GABBR2: variants seen among roughly 807,000 people sequenced by gnomAD.
GABBR2 encodes the protein G-protein coupled receptor 51.
Under a neutral mutation model 105.6 loss-of-function variants are expected in GABBR2, and 23 were observed. The ratio of observed to expected loss-of-function variants is 0.22; its 90% CI spans 0.16 to 0.31. GABBR2 has a LOEUF of 0.31. Among genes scored for constraint, GABBR2 ranks in the 10% least tolerant of loss-of-function variants. GABBR2 has a pLI of 1.00. For missense variants in GABBR2, 734 were observed against 1,245.5 expected, an observed-to-expected ratio of 0.59 and a Z score of 6.18; for synonymous variants, 478 against 499.7, an observed-to-expected ratio of 0.96 and a Z score of 0.58.
chr9:98,689,848 T>A (rs1288454969), intron 1 of GABBR2, among the ~76,000 whole-genome samples: 1 of 152,184 alleles, frequency 6.6e-6, no homozygotes, highest in Non-Finnish European at 1.5e-5. Flanking sequence ...TATTTATCTG[T>A]TTTTTCATGT....
intron 1 of GABBR2, among the ~76,000 whole-genome samples, chr9:98,683,109 C>T (rs1159681419): frequency 1.3e-5 from 2 of 152,104 alleles, no homozygotes; most frequent in Non-Finnish European, 1.5e-5. Context: ...CTCCACCTCC[C>T]CCGAGACGGA....
At chr9:98,627,569 T>C (rs1269687634) in intron 1 of GABBR2, among the ~76,000 whole-genome samples, 2 of 152,106 alleles carry the variant, frequency 1.3e-5, no homozygotes, top group Middle Eastern at 3.2e-3. Flanking sequence ...TGACCAACAG[T>C]GTAAGTGGTA....
chr9:98,422,936 T>C (rs193227425), intron 7 of GABBR2, among the ~76,000 whole-genome samples: 225 of 152,250 alleles, frequency 1.5e-3, no homozygotes, highest in Non-Finnish European at 2.6e-3. Flanking sequence ...ACAAAGGACA[T>C]GAACTCATCA....
chr9:98,659,651 G>T (rs1194746328), intron 1 of GABBR2, among the ~76,000 whole-genome samples: 1 of 150,596 alleles, frequency 6.6e-6, no homozygotes, highest in Non-Finnish European at 1.5e-5. Flanking sequence ...CTCCCAAGTA[G>T]CTGGGATTAC....
At chr9:98,447,879 T>C (rs1337248967) in intron 7 of GABBR2, among the ~76,000 whole-genome samples, 1 of 152,090 alleles carries the variant, frequency 6.6e-6, no homozygotes, top group African/African-American at 2.4e-5. Flanking sequence ...GTAGAAATAA[T>C]TTTTTAAAAA....
chr9:98,325,830 C>T (rs1830912589), intron 13 of GABBR2, among the ~76,000 whole-genome samples: 1 of 152,188 alleles, frequency 6.6e-6, no homozygotes, highest in African/African-American at 2.4e-5. Context: ...AATAGTCACA[C>T]ACACACATGC....
intron 1 of GABBR2, among the ~76,000 whole-genome samples, chr9:98,695,817 G>A (rs1032867006): frequency 1.3e-5 from 2 of 152,158 alleles, no homozygotes; most frequent in Admixed American, 6.5e-5. Context: ...GATGCCCAGT[G>A]TCTTTCTACA....
chr9:98,676,423 A>G (rs1830478270), intron 1 of GABBR2, among the ~76,000 whole-genome samples: 1 of 152,244 alleles, frequency 6.6e-6, no homozygotes, highest in Non-Finnish European at 1.5e-5. Flanking sequence ...ACCAATAGAA[A>G]ACTAATATGC....
At chr9:98,600,123 A>C (rs1829304005) in intron 1 of GABBR2, among the ~76,000 whole-genome samples, 1 of 152,190 alleles carries the variant, frequency 6.6e-6, no homozygotes, top group South Asian at 2.1e-4. Context: ...AGAAAAAATA[A>C]GAAGAACAAG....
At chr9:98,439,917 T>C (rs1364232181) in intron 7 of GABBR2, among the ~76,000 whole-genome samples, 2 of 152,234 alleles carry the variant, frequency 1.3e-5, no homozygotes, top group African/African-American at 4.8e-5. Context: ...GGCCCCGTTG[T>C]TATCTATAGG....
intron 3 of GABBR2, among the ~76,000 whole-genome samples, chr9:98,539,699 A>G (rs1390959580): frequency 2.0e-5 from 3 of 152,060 alleles, no homozygotes; most frequent in Non-Finnish European, 4.4e-5. Flanking sequence ...GAGCAGATCA[A>G]GAGGTCAAGA....
chr9:98,688,936 T>C (rs187793088), intron 1 of GABBR2, among the ~76,000 whole-genome samples: 42 of 152,308 alleles, frequency 2.8e-4, no homozygotes, highest in Non-Finnish European at 5.1e-4. Context: ...GAGCCAGATA[T>C]TGATGTTGCC....
intron 2 of GABBR2, among the ~76,000 whole-genome samples, chr9:98,576,854 C>T (rs893570246): frequency 6.6e-6 from 1 of 152,096 alleles, no homozygotes; most frequent in Non-Finnish European, 1.5e-5. Flanking sequence ...ATTGTATCCC[C>T]AGTGTGCCTA....
chr9:98,393,803 G>A (rs183207137), intron 9 of GABBR2, among the ~76,000 whole-genome samples: 1 of 152,358 alleles, frequency 6.6e-6, no homozygotes, highest in Admixed American at 6.5e-5. Flanking sequence ...TTCTCTAGCA[G>A]AGGAGAAGAA....
intron 13 of GABBR2, among the ~76,000 whole-genome samples, chr9:98,328,753 C>A (rs781732034): frequency 6.6e-6 from 1 of 152,126 alleles, no homozygotes; most frequent in Non-Finnish European, 1.5e-5. Context: ...GAGGCTGGGG[C>A]CAGAACTGCC....
chr9:98,697,458 TC>T (rs1428418327), intron 1 of GABBR2, among the ~76,000 whole-genome samples: 1 of 146,218 alleles, frequency 6.8e-6, no homozygotes, highest in Non-Finnish European at 1.5e-5. Context: ...GCCACTGCAC[TC>T]CAGCCTGGGC....
intron 1 of GABBR2, among the ~76,000 whole-genome samples, chr9:98,582,340 C>T (rs966720075): frequency 6.6e-6 from 1 of 152,158 alleles, no homozygotes; most frequent in Non-Finnish European, 1.5e-5. Context: ...AAGCAGGGAC[C>T]TCTGTTCTAC....
intron 1 of GABBR2, among the ~76,000 whole-genome samples, chr9:98,641,236 T>G (rs1481324379): frequency 6.6e-6 from 1 of 151,066 alleles, no homozygotes; most frequent in Non-Finnish European, 1.5e-5. Flanking sequence ...TGGGTTCAAG[T>G]AATTCTCCTG....
Position 98,432,511 on chromosome 9 carries a change from C to G in GABBR2, c.1236+21470G>C, listed in dbSNP as rs564479627. On this transcript the variant is annotated intron_variant, in intron 7 of 18. Coordinates refer to ENST00000259455, the MANE Select transcript of GABBR2 (RefSeq NM_005458.8). ...CAAACAGAGCATTAGAGGTGGCTGACCCCAGCACACAAACCAGGATCCTGG... is the reference window on the plus strand; with the variant it reads ...CAAACAGAGCATTAGAGGTGGCTGAGCCCAGCACACAAACCAGGATCCTGG... Among the ~76,000 whole-genome samples, 5 of 152,220 alleles carry G rather than the reference C, an allele frequency of 3.3e-5. No individual in the cohort carries two copies. The South Asian group carries it at 1.0e-3, about 32-fold the overall frequency.
Sources: allele counts gnomAD v4.1 joint callset (sites outside exome capture counted in the v4.1 genomes callset), GRCh38; gene constraint gnomAD v4.1.1; transcripts MANE v1.5; gene names NCBI Gene and HGNC (gene_info 2026-07-23, HGNC 2026-07-21).